ADGRV1: variants seen among roughly 807,000 people sequenced by gnomAD.
ADGRV1 encodes the protein G-protein coupled receptor 98.
Under a neutral mutation model 596.2 loss-of-function variants are expected in ADGRV1, and 359 were observed. That is an observed-to-expected ratio of 0.60 (90% confidence interval 0.55 to 0.66). The LOEUF (loss-of-function observed/expected upper bound fraction) is 0.66. ADGRV1 is among the 30% of genes least tolerant of loss of function. ADGRV1 has a pLI of 0.00. For missense variants in ADGRV1, 7,274 were observed against 7,575.6 expected (o/e 0.96, Z 1.48); for synonymous variants, 2,681 against 2,679.2 (o/e 1.00, Z -0.02).
chr5:91,077,255 C>T (rs1581984409), intron 86 of ADGRV1, among the ~76,000 whole-genome samples: 2 of 152,282 alleles, frequency 1.3e-5, no homozygotes, highest in South Asian at 4.1e-4. Flanking sequence ...CTGATATCTC[C>T]TGGGGTCCAG....
At position 90,647,714 on chromosome 5, in the gene ADGRV1, G is replaced by T. The variant is rs895703953; in HGVS notation, c.3239G>T (p.Gly1080Val). The change falls in exon 17 of 90, where the codon GGT becomes GTT. Residue 1080 changes from glycine to valine, a missense_variant. Transcript: ENST00000405460. ...QSISIFVNED[G>V]IPETDEPFYI... ...ATATCCATATTTGTTAATGAAGATG[G>T]TATCCCGGAAACAGATGAGCCCTTT... 6 of 1,613,676 alleles carry T rather than the reference G, an allele frequency of 3.7e-6. No homozygotes were observed. Among genetic ancestry groups the T allele is most frequent in the Non-Finnish European group, 5.1e-6 (6 of 1,179,726 alleles).
At chr5:91,018,918 G>C (rs7710915) in intron 85 of ADGRV1, among the ~76,000 whole-genome samples, 1 of 151,864 alleles carries the variant, frequency 6.6e-6, no homozygotes, top group Admixed American at 6.6e-5. Context: ...GTGTTGAGCC[G>C]GTGTTATAGA....
intron 87 of ADGRV1, among the ~76,000 whole-genome samples, chr5:91,110,716 T>G (rs1792288876): frequency 6.6e-6 from 1 of 152,186 alleles, no homozygotes; most frequent in Non-Finnish European, 1.5e-5. Flanking sequence ...AAAATACGTT[T>G]GTGGAGAAGG....
At chr5:90,822,345 C>G (rs910885627) in intron 75 of ADGRV1, among the ~76,000 whole-genome samples, 4 of 152,184 alleles carry the variant, frequency 2.6e-5, no homozygotes, top group Admixed American at 2.6e-4. Context: ...AACCTGGTAC[C>G]TCAGATGGAA....
intron 86 of ADGRV1, 62 bp downstream of exon 86, chr5:91,072,666 A>C: frequency 6.5e-7 from 1 of 1,536,986 alleles, no homozygotes; most frequent in South Asian, 1.2e-5. Flanking sequence ...GGAAAATGTC[A>C]CTGAATTTTT....
At chr5:91,150,914 C>A (rs1174796761) in intron 88 of ADGRV1, among the ~76,000 whole-genome samples, 1 of 152,208 alleles carries the variant, frequency 6.6e-6, no homozygotes, top group Non-Finnish European at 1.5e-5. Flanking sequence ...CCACTGCTCA[C>A]ATTTTAAAAC....
intron 87 of ADGRV1, among the ~76,000 whole-genome samples, chr5:91,142,346 G>A (rs1795166090): frequency 6.6e-6 from 1 of 152,180 alleles, no homozygotes. Flanking sequence ...CTTAAAGGAA[G>A]GTCTTCCTTT....
At chr5:91,026,028 C>G (rs964765086) in intron 85 of ADGRV1, among the ~76,000 whole-genome samples, 1 of 152,160 alleles carries the variant, frequency 6.6e-6, no homozygotes, top group East Asian at 1.9e-4. Context: ...ATTGATAGTA[C>G]TCTTATTATC....
intron 83 of ADGRV1, among the ~76,000 whole-genome samples, chr5:90,917,184 G>A (rs1163780636): frequency 6.6e-6 from 1 of 152,062 alleles, no homozygotes; most frequent in Non-Finnish European, 1.5e-5. Flanking sequence ...CAACTTTCCT[G>A]GAATTGGGAA....
At chr5:90,862,714 A>T (rs773049648) in intron 82 of ADGRV1, among the ~76,000 whole-genome samples, 1 of 152,214 alleles carries the variant, frequency 6.6e-6, no homozygotes, top group Non-Finnish European at 1.5e-5. Flanking sequence ...AAAAGCCTTG[A>T]CTAACGCAAA....
intron 1 of ADGRV1, among the ~76,000 whole-genome samples, chr5:90,564,284 G>C (rs1273552439): frequency 6.6e-6 from 1 of 152,174 alleles, no homozygotes; most frequent in African/African-American, 2.4e-5. Context: ...ATGAAATGAA[G>C]AGAGCTTGTT....
intron 85 of ADGRV1, among the ~76,000 whole-genome samples, chr5:91,047,473 C>G (rs1314439340): frequency 6.6e-6 from 1 of 152,184 alleles, no homozygotes; most frequent in African/African-American, 2.4e-5. Flanking sequence ...AGATAGGAAG[C>G]ATCCAGCATG....
chr5:90,596,526 G>A (rs1035968486), intron 1 of ADGRV1, among the ~76,000 whole-genome samples: 2 of 152,236 alleles, frequency 1.3e-5, no homozygotes, highest in African/African-American at 2.4e-5. Context: ...ACCAGACTCC[G>A]TCTGCAATCC....
At chr5:90,917,718 A>G (rs1323078290) in intron 83 of ADGRV1, among the ~76,000 whole-genome samples, 4 of 152,156 alleles carry the variant, frequency 2.6e-5, no homozygotes, top group African/African-American at 4.8e-5. Context: ...TTATCCCTTG[A>G]CTACAGAAAG....
At chr5:91,161,774 G>T (rs1411925182) in intron 89 of ADGRV1, among the ~76,000 whole-genome samples, 1 of 152,110 alleles carries the variant, frequency 6.6e-6, no homozygotes, top group Non-Finnish European at 1.5e-5. Flanking sequence ...TAATGATTTT[G>T]TCAGGGATGA....
At chr5:90,655,805 C>G (rs1446456048) in intron 20 of ADGRV1, 1 of 151,774 alleles carries the variant, frequency 6.6e-6, no homozygotes, top group Non-Finnish European at 1.5e-5. Flanking sequence ...TTGTAAAGTA[C>G]ACATATACAA....
chr5:91,142,901 C>G (rs1439782092), intron 87 of ADGRV1, among the ~76,000 whole-genome samples: 1 of 152,194 alleles, frequency 6.6e-6, no homozygotes, highest in Admixed American at 6.5e-5. Context: ...ATGCCTTTGC[C>G]TGAGTTTTGC....
intron 1 of ADGRV1, among the ~76,000 whole-genome samples, chr5:90,569,874 T>C (rs1356986706): frequency 6.6e-6 from 1 of 152,138 alleles, no homozygotes; most frequent in Non-Finnish European, 1.5e-5. Flanking sequence ...TGTGCTGTTA[T>C]TGTGGTACAA....
chr5:91,008,993 A>G (rs1782512008), intron 85 of ADGRV1, among the ~76,000 whole-genome samples: 1 of 152,132 alleles, frequency 6.6e-6, no homozygotes, highest in Non-Finnish European at 1.5e-5. Context: ...TTTGTAGTGG[A>G]GGAGGAACAC....
Sources: allele counts gnomAD v4.1 joint callset (sites outside exome capture counted in the v4.1 genomes callset), GRCh38; gene constraint gnomAD v4.1.1; transcripts MANE v1.5; gene names NCBI Gene and HGNC (gene_info 2026-07-23, HGNC 2026-07-21).